Variants in PRKN observed in about 807,000 individuals in gnomAD.
PRKN encodes the protein E3 ubiquitin-protein ligase parkin.
PRKN carries 56 observed loss-of-function variants against 59.5 expected under a neutral mutation model. The observed-to-expected ratio is 0.94, with a 90% CI of 0.76 to 1.18. The LOEUF (loss-of-function observed/expected upper bound fraction) is 1.18. Ranked by LOEUF, PRKN falls within the 50% of genes most tolerant of loss-of-function variation. The pLI is 0.00. For synonymous variants in PRKN, 250 were observed against 222.1 expected, an observed-to-expected ratio of 1.13 and a Z score of -1.12; for missense variants, 657 against 596.4, an observed-to-expected ratio of 1.10 and a Z score of -1.06.
At chr6:161,973,156 G>T in intron 6 of PRKN, 146 bp downstream of exon 6, 1 of 676,612 alleles carries the variant, frequency 1.5e-6, no homozygotes. Flanking sequence ...TCAAAATAAA[G>T]CAGACACTCC....
At chr6:162,672,371 T>C (rs1779356208) in intron 1 of PRKN, among the ~76,000 whole-genome samples, 1 of 152,092 alleles carries the variant, frequency 6.6e-6, no homozygotes, top group Non-Finnish European at 1.5e-5. Context: ...AAAACAAATC[T>C]CTGAATCCCT....
rs141664364 is a variant in PRKN, at chr6:162,588,121, C to A, written c.7+139541G>T. 8.5e-4 allele frequency among the ~76,000 whole-genome samples: 129 copies of A among 151,266 alleles called. 1 individual carries two copies. The highest frequency in any genetic ancestry group is 5.9e-5 in the Non-Finnish European group (4 of 67,838). ...CGCTTCCTGGGTTCAAGCAATTCTC[C>A]TACCTCAGCCTCCCAAGTATCTGGG... On this transcript the variant is annotated intron_variant, in intron 1 of 11. Coordinates refer to ENST00000366898, the MANE Select transcript of PRKN (RefSeq NM_004562.3).
At position 162,727,707 on chromosome 6, in the gene PRKN, C is replaced by G. The variant is rs371617209; in HGVS notation, c.-39G>C. 10 of 1,558,076 alleles carry G rather than the reference C, an allele frequency of 6.4e-6. No individual in the cohort carries two copies. The African/African-American group carries it at 8.2e-5, about 13-fold the overall frequency. The stretch of plus-strand genomic sequence containing the variant: ...GTGGCGGCTGCGGGCCAGGAACAGG[C>G]CCATGCGCGCAGCGGCGCCAGCCGC... On this transcript the variant is annotated 5_prime_UTR_variant, in exon 1 of 12. Transcript: ENST00000366898.
intron 4 of PRKN, among the ~76,000 whole-genome samples, chr6:162,122,042 C>T (rs1441743151): frequency 6.6e-6 from 1 of 152,112 alleles, no homozygotes. Context: ...TTACTGAATC[C>T]TCAAAACTGA....
chr6:162,102,625 A>G (rs1780019101), intron 4 of PRKN, among the ~76,000 whole-genome samples: 1 of 151,746 alleles, frequency 6.6e-6, no homozygotes, highest in African/African-American at 2.4e-5. Flanking sequence ...TTTATCTAAA[A>G]GATCCATGCC....
intron 6 of PRKN, among the ~76,000 whole-genome samples, chr6:161,863,381 C>A (rs974892758): frequency 2.0e-5 from 3 of 151,090 alleles, no homozygotes; most frequent in African/African-American, 7.3e-5. Context: ...TTTAAATTAT[C>A]AATCTGCTCA....
rs907428598 is a variant in PRKN, at chr6:161,429,840, C to T, written c.1084-42963G>A. On this transcript the variant is annotated intron_variant, in intron 9 of 11. Transcript: ENST00000366898. This position sits in a 1 kb window ranked among gnomAD's most constrained non-coding sequence, Gnocchi z 4.2. The stretch of plus-strand genomic sequence containing the variant: ...ACCAAGAGAAGACTTCATTTTAATT[C>T]TTGTCAGGAACTGTGAAGGATCCAA... 6.6e-6 allele frequency among the ~76,000 whole-genome samples: 1 copy of T among 152,150 alleles called. No homozygotes were observed. The highest frequency in any genetic ancestry group is 2.4e-5 in the African/African-American group (1 of 41,422).
At chr6:162,092,126 G>A (rs894145805) in intron 4 of PRKN, among the ~76,000 whole-genome samples, 22 of 152,078 alleles carry the variant, frequency 1.4e-4, no homozygotes, top group African/African-American at 2.7e-4. Context: ...AGGCAGAGGC[G>A]GGCAGATCAC....
intron 1 of PRKN, among the ~76,000 whole-genome samples, chr6:162,534,038 C>T (rs1191707742): frequency 1.3e-5 from 2 of 151,266 alleles, no homozygotes; most frequent in Non-Finnish European, 2.9e-5. Flanking sequence ...ATATTTCACA[C>T]AGGCCCACAT....
chr6:161,656,621 G>A (rs1481362316), intron 7 of PRKN, among the ~76,000 whole-genome samples: 1 of 152,130 alleles, frequency 6.6e-6, no homozygotes, highest in Non-Finnish European at 1.5e-5. Context: ...CAACGAGGAT[G>A]ATTCCAAATC....
At chr6:162,681,513 G>T (rs1217457248) in intron 1 of PRKN, among the ~76,000 whole-genome samples, 1 of 152,134 alleles carries the variant, frequency 6.6e-6, no homozygotes, top group Non-Finnish European at 1.5e-5. Flanking sequence ...CACCTTGTCT[G>T]CATGGTAGAT....
chr6:162,544,351 C>A (rs1268016756), intron 1 of PRKN, among the ~76,000 whole-genome samples: 6 of 152,060 alleles, frequency 3.9e-5, no homozygotes, highest in Non-Finnish European at 7.4e-5. Flanking sequence ...CAGAGGAATG[C>A]TCATAGCACA....
At chr6:161,810,048 C>A (rs1258793178) in intron 6 of PRKN, among the ~76,000 whole-genome samples, 1 of 152,172 alleles carries the variant, frequency 6.6e-6, no homozygotes, top group East Asian at 1.9e-4. Flanking sequence ...AAAATTCGTG[C>A]ATTGAAGTCC....
At chr6:162,606,685 A>G (rs1007108194) in intron 1 of PRKN, among the ~76,000 whole-genome samples, 3 of 152,120 alleles carry the variant, frequency 2.0e-5, no homozygotes, top group African/African-American at 4.8e-5. Context: ...GAGAAGTTGC[A>G]AGGCAGATTC....
chr6:162,094,561 C>T (rs965421997), intron 4 of PRKN, among the ~76,000 whole-genome samples: 4 of 151,902 alleles, frequency 2.6e-5, no homozygotes, highest in African/African-American at 4.8e-5. Context: ...GTTGGGAGGG[C>T]CCTGACATAG....
At chr6:162,184,373 C>G (rs1025242248) in intron 4 of PRKN, among the ~76,000 whole-genome samples, 1 of 152,174 alleles carries the variant, frequency 6.6e-6, no homozygotes, top group Non-Finnish European at 1.5e-5. Flanking sequence ...TGTGTCCCCA[C>G]CCAATTATTA....
chr6:161,743,745 A>G (rs1186842389), intron 7 of PRKN, among the ~76,000 whole-genome samples: 4 of 152,156 alleles, frequency 2.6e-5, no homozygotes, highest in Admixed American at 6.5e-5. Context: ...GGAACTTTTG[A>G]GGGGAAGTAC....
At position 161,440,099 on chromosome 6, in the gene PRKN, C is replaced by T. The variant is rs1193719811; in HGVS notation, c.1084-53222G>A. ...CTGAGTAGCTGGGACTACAGGCGCC[C>T]ACCACCACGCCCGGCTAATTTTTTT... On this transcript the variant is annotated intron_variant, in intron 9 of 11. Transcript: ENST00000366898. This position sits in a 1 kb window ranked among gnomAD's most constrained non-coding sequence, Gnocchi z 4.1. Among the ~76,000 whole-genome samples the T allele has an allele frequency of 2.6e-5, 4 of 151,886 alleles. No homozygotes were observed. The highest frequency in any genetic ancestry group is 5.9e-5 in the Non-Finnish European group (4 of 67,980).
chr6:161,840,032 C>T (rs1453345015), intron 6 of PRKN, among the ~76,000 whole-genome samples: 1 of 152,268 alleles, frequency 6.6e-6, no homozygotes, highest in African/African-American at 2.4e-5. Context: ...CTGGGCAACA[C>T]TTGCCTACAG....
Sources: allele counts gnomAD v4.1 joint callset (sites outside exome capture counted in the v4.1 genomes callset), GRCh38; gene constraint gnomAD v4.1.1; non-coding constraint Gnocchi (gnomAD v3.1); transcripts MANE v1.5; gene names NCBI Gene and HGNC (gene_info 2026-07-23, HGNC 2026-07-21).